The following RFX3 variants were observed in gnomAD, a reference collection of about 807,000 sequenced individuals.
The protein encoded by RFX3 is transcription factor RFX3.
A neutral mutation model predicts 98.6 loss-of-function variants in RFX3; 14 were observed. The ratio of observed to expected loss-of-function variants is 0.14; its 90% confidence interval spans 0.09 to 0.22. The LOEUF (loss-of-function observed/expected upper bound fraction) is 0.22. Among genes scored for constraint, RFX3 ranks in the 10% least tolerant of loss-of-function variants. The pLI is 1.00. For missense variants in RFX3, 639 were observed against 926.9 expected, an observed-to-expected ratio of 0.69 and a Z score of 4.03; for synonymous variants, 383 against 328.4, an observed-to-expected ratio of 1.17 and a Z score of -1.80.
intron 1 of RFX3, among the ~76,000 whole-genome samples, chr9:3,449,763 G>T (rs553670459): frequency 2.0e-5 from 3 of 152,022 alleles, no homozygotes; most frequent in African/African-American, 7.2e-5. Context: ...TGAGGCAGGA[G>T]GATCGTTTGA....
At chr9:3,344,947 T>A (rs1834289478) in intron 3 of RFX3, 1 of 654,074 alleles carries the variant, frequency 1.5e-6, no homozygotes, top group African/African-American at 1.9e-5. Context: ...GAGGTATAGA[T>A]TTAATACGGT....
At chr9:3,452,804 C>G (rs1440241164) in intron 1 of RFX3, among the ~76,000 whole-genome samples, 1 of 152,176 alleles carries the variant, frequency 6.6e-6, no homozygotes, top group African/African-American at 2.4e-5. Context: ...ACAGGGAATA[C>G]TATAGGTTTC....
In RFX3 at chr9:3,407,297, T is replaced by C. The variant is rs532738382; in HGVS notation, c.-8-11701A>G. ...TAAGAAGCCTCTAGTTACTAATTAG[T>C]TAACACATTTATGTAAGGACTTCAC... On this transcript the variant is annotated intron_variant, in intron 1 of 16. Transcript: ENST00000617270. 2.0e-5 allele frequency among the ~76,000 whole-genome samples: 3 copies of C among 152,294 alleles called. No homozygotes were observed. The East Asian group carries it at 5.8e-4, about 29-fold the overall frequency.
chr9:3,244,405 G>A (rs1392030105), intron 15 of RFX3, among the ~76,000 whole-genome samples: 2 of 152,238 alleles, frequency 1.3e-5, no homozygotes, highest in East Asian at 1.9e-4. Flanking sequence ...AACTGTACCT[G>A]GCACACAACT....
chr9:3,374,714 G>T (rs1275932255), intron 2 of RFX3, among the ~76,000 whole-genome samples: 4 of 152,162 alleles, frequency 2.6e-5, no homozygotes, highest in East Asian at 1.9e-4. Context: ...ATGGGAAATT[G>T]TAATGGGTAG....
At chr9:3,236,628 G>A (rs1819187703) in intron 15 of RFX3, among the ~76,000 whole-genome samples, 1 of 152,172 alleles carries the variant, frequency 6.6e-6, no homozygotes, top group African/African-American at 2.4e-5. Flanking sequence ...CAAGGTGCTG[G>A]CATGTTATCA....
At chr9:3,404,831 G>C (rs1244317045) in intron 1 of RFX3, among the ~76,000 whole-genome samples, 1 of 152,066 alleles carries the variant, frequency 6.6e-6, no homozygotes, top group African/African-American at 2.4e-5. Context: ...AATACATTAA[G>C]TGTAACATCC....
chr9:3,357,717 A>G (rs1425247745), intron 2 of RFX3, among the ~76,000 whole-genome samples: 4 of 152,014 alleles, frequency 2.6e-5, no homozygotes. Context: ...AATTTATTAT[A>G]TATTTCAAAA....
At chr9:3,297,709 T>A (rs556062884) in intron 5 of RFX3, among the ~76,000 whole-genome samples, 3 of 152,056 alleles carry the variant, frequency 2.0e-5, no homozygotes, top group African/African-American at 7.2e-5. Context: ...AGGTTTTGCT[T>A]TGAGCTAAAT....
At chr9:3,269,957 G>A (rs933704427) in intron 11 of RFX3, among the ~76,000 whole-genome samples, 1 of 151,862 alleles carries the variant, frequency 6.6e-6, no homozygotes. Context: ...TGTGTCCTTG[G>A]GTAGAATAAT....
chr9:3,410,802 T>G (rs963642316), intron 1 of RFX3, among the ~76,000 whole-genome samples: 1 of 152,238 alleles, frequency 6.6e-6, no homozygotes, highest in South Asian at 2.1e-4. Context: ...ATTTAAAAAC[T>G]GCTTTGTACA....
intron 1 of RFX3, among the ~76,000 whole-genome samples, chr9:3,508,327 A>T (rs1243189519): frequency 6.6e-6 from 1 of 151,956 alleles, no homozygotes; most frequent in Admixed American, 6.6e-5. Context: ...TATTCATTTG[A>T]ATTACACTTT....
intron 7 of RFX3, among the ~76,000 whole-genome samples, chr9:3,282,797 C>T (rs1660275402): frequency 6.6e-6 from 1 of 151,612 alleles, no homozygotes; most frequent in Non-Finnish European, 1.5e-5. Context: ...TAAACAATAA[C>T]AACAACAAAA....
At chr9:3,491,113 A>C (rs1850685814) in intron 1 of RFX3, among the ~76,000 whole-genome samples, 3 of 152,132 alleles carry the variant, frequency 2.0e-5, no homozygotes, top group Admixed American at 2.0e-4. Flanking sequence ...AGTTGCCATA[A>C]ATTTTTATAT....
chr9:3,335,682 CAGAAG>C (rs1833098834), intron 3 of RFX3, among the ~76,000 whole-genome samples: 2 of 152,288 alleles, frequency 1.3e-5, no homozygotes, highest in South Asian at 4.1e-4. Context: ...ATTTCTATAG[CAGAAG>C]AGAAATCTTT....
At chr9:3,437,454 CCT>C (rs1436191881) in intron 1 of RFX3, among the ~76,000 whole-genome samples, 9 of 151,910 alleles carry the variant, frequency 5.9e-5, no homozygotes, top group Non-Finnish European at 1.3e-4. Flanking sequence ...ACAAGAATAC[CCT>C]GATTTATATA....
intron 3 of RFX3, among the ~76,000 whole-genome samples, chr9:3,335,118 C>A (rs1024642590): frequency 6.6e-6 from 1 of 151,624 alleles, no homozygotes; most frequent in Non-Finnish European, 1.5e-5. Context: ...AACTCCATCT[C>A]AAAAAATAAT....
intron 2 of RFX3, among the ~76,000 whole-genome samples, chr9:3,366,711 T>C (rs1308547688): frequency 7.4e-6 from 1 of 134,340 alleles, no homozygotes; most frequent in Non-Finnish European, 1.6e-5. Flanking sequence ...TCTTTCTTTC[T>C]TTCTTTCTTT....
chr9:3,266,958 A>C (rs956954611), intron 11 of RFX3, among the ~76,000 whole-genome samples: 2 of 152,044 alleles, frequency 1.3e-5, no homozygotes, highest in African/African-American at 2.4e-5. Context: ...TACTCCTAAA[A>C]TAGCTCATTC....
Sources: gnomAD v4.1 joint callset for allele counts (sites outside exome capture counted in the v4.1 genomes callset) on GRCh38, gnomAD v4.1.1 for gene constraint, MANE v1.5 for transcripts, NCBI Gene and HGNC (gene_info 2026-07-23, HGNC 2026-07-21) for gene names.